Variants in MGARP observed in about 807,000 individuals in gnomAD.
The protein encoded by MGARP is protein MGARP.
MGARP carries 12 observed loss-of-function variants against 11.0 expected under a neutral mutation model. The observed-to-expected ratio is 1.09, with a 90% confidence interval of 0.70 to 1.77. MGARP has a LOEUF of 1.77. Ranked by LOEUF, MGARP falls within the 40% of genes most tolerant of loss-of-function variation. MGARP has a pLI of 0.00. For missense variants in MGARP, 283 were observed against 297.8 expected (o/e 0.95, Z 0.36); for synonymous variants, 110 against 115.4 (o/e 0.95, Z 0.30).
At chr4:139,267,953 A>C (rs1270148071) in intron 3 of MGARP, among the ~76,000 whole-genome samples, 1 of 152,180 alleles carries the variant, frequency 6.6e-6, no homozygotes, top group East Asian at 1.9e-4. Flanking sequence ...GTCTCTGCAA[A>C]ACATAAAAAA....
At chr4:139,276,051 A>C (rs1744864577) in intron 1 of MGARP, among the ~76,000 whole-genome samples, 1 of 152,226 alleles carries the variant, frequency 6.6e-6, no homozygotes, top group Non-Finnish European at 1.5e-5. Flanking sequence ...TTAAACATTT[A>C]TTTTGTAGTA....
intron 1 of MGARP, among the ~76,000 whole-genome samples, chr4:139,279,528 G>C (rs998250591): frequency 8.5e-5 from 13 of 152,124 alleles, no homozygotes; most frequent in Admixed American, 8.5e-4. Context: ...CTGAGACCCT[G>C]CCAAGGGTTA....
chr4:139,274,345 A>T (rs948880302), intron 2 of MGARP, among the ~76,000 whole-genome samples: 2 of 152,138 alleles, frequency 1.3e-5, no homozygotes, highest in Admixed American at 1.3e-4. Context: ...GTTCCACATC[A>T]GTGCAAGATT....
chr4:139,271,480 T>C (rs13109359), intron 2 of MGARP, among the ~76,000 whole-genome samples: 2 of 152,082 alleles, frequency 1.3e-5, no homozygotes, highest in Non-Finnish European at 2.9e-5. Context: ...GAGATGAGAT[T>C]GCGCCATCGC....
At position 139,275,391 on chromosome 4, in the gene MGARP, T is replaced by A. The variant is rs1253267316; in HGVS notation, c.84A>T (p.Ala28=). The change falls in exon 2 of 4, where the codon GCA becomes GCT. Residue 28 remains alanine, a splice_region_variant and synonymous_variant. Transcript: ENST00000398955. The stretch of plus-strand genomic sequence containing the variant: ...TGTTAGATGACATCCGGCGCAGAGA[T>A]GCTAGGAAAAAAATGTTTAAACACA... ...PPNPAPLGKD[A]SLRRMSSNRF... 1 of 1,610,980 alleles carries A rather than the reference T, an allele frequency of 6.2e-7. No homozygotes were observed. Among genetic ancestry groups the A allele is most frequent in the South Asian group, 1.1e-5 (1 of 90,574 alleles).
chr4:139,272,689 T>TC (rs1404514093), intron 2 of MGARP, among the ~76,000 whole-genome samples: 1 of 140,730 alleles, frequency 7.1e-6, no homozygotes, highest in Non-Finnish European at 1.6e-5. Context: ...CATATTTCTT[T>TC]TTTTTTTTTT....
intron 2 of MGARP, among the ~76,000 whole-genome samples, chr4:139,269,621 A>G (rs757949421): frequency 1.5e-3 from 210 of 136,054 alleles, no homozygotes; most frequent in Non-Finnish European, 2.4e-3. Flanking sequence ...ACAGAGCAAG[A>G]CTCCATCTCA....
intron 3 of MGARP, among the ~76,000 whole-genome samples, chr4:139,267,318 T>C (rs1442637825): frequency 6.6e-6 from 1 of 152,226 alleles, no homozygotes; most frequent in Non-Finnish European, 1.5e-5. Context: ...AAACTGGTTC[T>C]ATTGGTTGCC....
intron 1 of MGARP, among the ~76,000 whole-genome samples, chr4:139,277,292 G>A (rs953245998): frequency 1.3e-5 from 2 of 152,100 alleles, no homozygotes; most frequent in African/African-American, 4.8e-5. Flanking sequence ...AAATCACAAC[G>A]ATTTCCTGTT....
chr4:139,274,494 T>A (rs1416351394), intron 2 of MGARP, among the ~76,000 whole-genome samples: 1 of 151,802 alleles, frequency 6.6e-6, no homozygotes. Flanking sequence ...TTTTTTAAAT[T>A]TTTTTTGGAA....
At chr4:139,267,129 G>A in intron 3 of MGARP, 88 bp from the exon 4 acceptor site, 1 of 1,242,712 alleles carries the variant, frequency 8.0e-7, no homozygotes, top group Non-Finnish European at 1.1e-6. Flanking sequence ...ACCTAAGACA[G>A]AACTACATGC....
intron 1 of MGARP, among the ~76,000 whole-genome samples, chr4:139,276,229 T>TC (rs1469681829): frequency 1.3e-5 from 2 of 152,190 alleles, no homozygotes; most frequent in Non-Finnish European, 2.9e-5. Context: ...TACTACGTAT[T>TC]TGGAATTGTT....
At chr4:139,271,301 G>A (rs571717316) in intron 2 of MGARP, among the ~76,000 whole-genome samples, 1 of 152,198 alleles carries the variant, frequency 6.6e-6, no homozygotes, top group Non-Finnish European at 1.5e-5. Flanking sequence ...CGAGGCGGGT[G>A]GATCACCTGA....
Position 139,272,443 on chromosome 4 carries a change from C to A in MGARP, c.186+2846G>T, listed in dbSNP as rs1046545179. ...GCGTGGTAGTGGGCACCTGTAGTCC[C>A]AGCTACTCAGGAGGCTGAGGCAGGA... On this transcript the variant is annotated intron_variant, in intron 2 of 3. Coordinates refer to ENST00000398955, the MANE Select transcript of MGARP (RefSeq NM_032623.4). 2.6e-5 allele frequency among the ~76,000 whole-genome samples: 4 copies of A among 150,984 alleles called. No homozygotes were observed. In the East Asian group the frequency reaches 8.0e-4, roughly 30 times the overall value.
rs1381355371 is a variant in MGARP at position 139,280,215 on chromosome 4, A to G, written c.-57T>C. 2 of 1,529,648 alleles carry G rather than the reference A, an allele frequency of 1.3e-6. No individual in the cohort carries two copies. The highest frequency in any genetic ancestry group is 3.8e-5 in the Admixed American group (2 of 52,706). 94.8% of individuals were successfully genotyped at this position (1,529,648 alleles called of 1,614,324 possible). A position where few individuals can be genotyped will look rare whatever the true frequency, so the allele number is the denominator to read the frequency against. ...GTACCCAGGCGCAGGCTGCCCTTCC[A>G]CAGAGAGGCTGAGAGCCTGGCAGCG... On this transcript the variant is annotated 5_prime_UTR_variant, in exon 1 of 4. Transcript: ENST00000398955.
In MGARP at chr4:139,274,908, G is replaced by C. The variant is rs1399662174; in HGVS notation, c.186+381C>G. On this transcript the variant is annotated intron_variant, in intron 2 of 3. Coordinates refer to ENST00000398955, the MANE Select transcript of MGARP (RefSeq NM_032623.4). Reference sequence around the variant, plus strand: ...AGTCTGGCATATGATAAACACTCAAGTATCAGCTATCACTATTAGCATTTA... The same window carrying C: ...AGTCTGGCATATGATAAACACTCAACTATCAGCTATCACTATTAGCATTTA... Among the ~76,000 whole-genome samples, 5 of 152,120 alleles carry C rather than the reference G, an allele frequency of 3.3e-5. No individual in the cohort carries two copies. The South Asian group carries it at 8.3e-4, about 25-fold the overall frequency.
intron 2 of MGARP, among the ~76,000 whole-genome samples, chr4:139,273,510 CTTTT>C (rs1000327890): frequency 4.9e-5 from 6 of 123,640 alleles, no homozygotes; most frequent in Admixed American, 8.4e-5. Context: ...TACTTTTATT[CTTTT>C]TTTTTTTTTT....
In MGARP at chr4:139,277,122, T is replaced by C. The variant is rs1160544568; in HGVS notation, c.83-1730A>G. Among the ~76,000 whole-genome samples, 3 of 152,246 alleles carry C rather than the reference T, an allele frequency of 2.0e-5. No individual in the cohort carries two copies. The East Asian group carries it at 5.8e-4, about 29-fold the overall frequency. On this transcript the variant is annotated intron_variant, in intron 1 of 3. Transcript: ENST00000398955. ...ATCATGTCAGTGCTCAGAAAGTTTC[T>C]AATTTTGGAACATTTTGTGTTTTAG...
intron 3 of MGARP, among the ~76,000 whole-genome samples, chr4:139,267,386 AC>A (rs1744714311): frequency 6.6e-6 from 1 of 152,012 alleles, no homozygotes; most frequent in African/African-American, 2.4e-5. Flanking sequence ...TTAAAAAAAA[AC>A]ACACTTGAAT....
Sources: gnomAD v4.1 joint callset for allele counts (sites outside exome capture counted in the v4.1 genomes callset) on GRCh38, gnomAD v4.1.1 for gene constraint, MANE v1.5 for transcripts, NCBI Gene and HGNC (gene_info 2026-07-23, HGNC 2026-07-21) for gene names.